ZRANB3: variants seen among roughly 807,000 people sequenced by gnomAD.
The protein encoded by ZRANB3 is zinc finger RANBP2-type containing 3.
Under a neutral mutation model 133.8 loss-of-function variants are expected in ZRANB3, and 125 were observed. The observed-to-expected ratio is 0.93, with a 90% CI of 0.81 to 1.08. ZRANB3 has a LOEUF of 1.08. ZRANB3 is among the 50% of genes least tolerant of loss of function. The pLI is 0.00. For synonymous variants in ZRANB3, 387 were observed against 432.7 expected (o/e 0.89, Z 1.31); for missense variants, 1,229 against 1,275.5 (o/e 0.96, Z 0.56).
chr2:135,283,478 T>C (rs1349265702), intron 8 of ZRANB3, among the ~76,000 whole-genome samples: 3 of 151,524 alleles, frequency 2.0e-5, no homozygotes, highest in African/African-American at 7.3e-5. Flanking sequence ...GGCGTGGTGA[T>C]GCACACCTGT....
intron 8 of ZRANB3, among the ~76,000 whole-genome samples, chr2:135,307,135 T>C (rs192315742): frequency 6.6e-6 from 1 of 152,336 alleles, no homozygotes; most frequent in East Asian, 1.9e-4. Flanking sequence ...GGCATGATCA[T>C]AGCTCATTGC....
intron 7 of ZRANB3, among the ~76,000 whole-genome samples, chr2:135,314,980 C>T (rs1558910457): frequency 6.6e-6 from 1 of 151,946 alleles, no homozygotes; most frequent in Non-Finnish European, 1.5e-5. Context: ...AACTCCTGAC[C>T]TCAGGTGATC....
chr2:135,269,181 C>A, intron 10 of ZRANB3, 40 bp from the exon 11 acceptor site: 1 of 1,499,496 alleles, frequency 6.7e-7, no homozygotes. Flanking sequence ...ATGTAACATA[C>A]AGCCAATATA....
chr2:135,222,940 C>T (rs1694612960), intron 15 of ZRANB3, among the ~76,000 whole-genome samples: 1 of 151,654 alleles, frequency 6.6e-6, no homozygotes, highest in Non-Finnish European at 1.5e-5. Flanking sequence ...GCAAGACCCT[C>T]TCTCTCCAAA....
chr2:135,426,774 G>A (rs1689086943), intron 2 of ZRANB3, among the ~76,000 whole-genome samples: 1 of 134,180 alleles, frequency 7.5e-6, no homozygotes, highest in African/African-American at 2.8e-5. Flanking sequence ...GGAGCTTGCA[G>A]CGAGCCAAGA....
At chr2:135,216,437 C>CTGTTT (rs1053334334) in intron 17 of ZRANB3, among the ~76,000 whole-genome samples, 11 of 152,090 alleles carry the variant, frequency 7.2e-5, no homozygotes, top group South Asian at 4.2e-4. Flanking sequence ...GCTTTGCCAT[C>CTGTTT]TGTTTTGTTT....
chr2:135,322,799 C>T (rs1248988657), intron 6 of ZRANB3, among the ~76,000 whole-genome samples: 1 of 151,972 alleles, frequency 6.6e-6, no homozygotes, highest in East Asian at 1.9e-4. Context: ...GGTGGATCAC[C>T]TGAGGTCAGG....
Position 135,353,584 on chromosome 2 carries a change from G to GTA in ZRANB3, c.224_225insTA (p.Tyr76ThrfsTer9). 6.3e-7 allele frequency: 1 copy of GTA among 1,599,186 alleles called. No individual in the cohort carries two copies. On this transcript the variant is annotated frameshift_variant, in exon 4 of 21. Transcript: ENST00000264159. LOFTEE classifies it high-confidence loss of function. The stretch of plus-strand genomic sequence containing the variant: ...TTAACAGAGGCCATTCCTCTTTATA[G>GTA]AAGTAAGTAATTCCAATTGCCTGGA...
At chr2:135,249,595 A>G (rs1679278145) in intron 12 of ZRANB3, among the ~76,000 whole-genome samples, 1 of 152,132 alleles carries the variant, frequency 6.6e-6, no homozygotes, top group Non-Finnish European at 1.5e-5. Flanking sequence ...GAATTCCCAC[A>G]TGTTGTGGGA....
In ZRANB3 at chr2:135,369,505, A is replaced by T. The variant is rs149160964; in HGVS notation, c.181-15877T>A. ...ATTAGATAAAGGTTAAGAGAAAGAG[A>T]CACACTTTGCCTCACTATAATATAT... On this transcript the variant is annotated intron_variant, in intron 3 of 20. Coordinates refer to ENST00000264159, the MANE Select transcript of ZRANB3 (RefSeq NM_032143.4). Among the ~76,000 whole-genome samples the T allele has an allele frequency of 3.0e-3, 453 of 152,318 alleles. 2 individuals are homozygous for T. Among genetic ancestry groups the T allele is most frequent in the African/African-American group, 0.01 (430 of 41,586 alleles).
chr2:135,343,872 C>G (rs1684805702), intron 6 of ZRANB3, among the ~76,000 whole-genome samples: 1 of 149,980 alleles, frequency 6.7e-6, no homozygotes, highest in African/African-American at 2.5e-5. Context: ...TCACATTTCA[C>G]TATGTTTGAA....
At chr2:135,204,648 A>T (rs946426993) in intron 19 of ZRANB3, among the ~76,000 whole-genome samples, 90 of 136,284 alleles carry the variant, frequency 6.6e-4, no homozygotes, top group Middle Eastern at 3.3e-3. Context: ...TCAAAAAAAA[A>T]AAATATATAT....
At chr2:135,214,112 T>C (rs1369347017) in intron 17 of ZRANB3, among the ~76,000 whole-genome samples, 1 of 152,226 alleles carries the variant, frequency 6.6e-6, no homozygotes, top group Non-Finnish European at 1.5e-5. Context: ...AACACTTTGA[T>C]TTCTGCCTTG....
intron 2 of ZRANB3, among the ~76,000 whole-genome samples, chr2:135,412,741 C>T (rs1688365308): frequency 6.6e-6 from 1 of 151,944 alleles, no homozygotes; most frequent in Non-Finnish European, 1.5e-5. Context: ...TAGTAAGATG[C>T]AGAGACTATT....
chr2:135,301,239 G>A (rs1682417142), intron 8 of ZRANB3, among the ~76,000 whole-genome samples: 1 of 149,842 alleles, frequency 6.7e-6, no homozygotes, highest in Non-Finnish European at 1.5e-5. Context: ...AGGTTGGAGT[G>A]CAGTGGTACC....
intron 10 of ZRANB3, chr2:135,271,514 T>C (rs754213766): frequency 1.9e-6 from 1 of 524,062 alleles, no homozygotes; most frequent in Non-Finnish European, 3.5e-6. Flanking sequence ...AAATTAACTA[T>C]ACTCTTCTTA....
chr2:135,475,113 G>A (rs1329115484), intron 2 of ZRANB3, among the ~76,000 whole-genome samples: 1 of 152,142 alleles, frequency 6.6e-6, no homozygotes, highest in Non-Finnish European at 1.5e-5. Flanking sequence ...ATTTGTTGAT[G>A]CCTAACAATG....
At chr2:135,245,214 G>C (rs902759482) in intron 12 of ZRANB3, among the ~76,000 whole-genome samples, 25 of 152,182 alleles carry the variant, frequency 1.6e-4, no homozygotes, top group African/African-American at 6.0e-4. Context: ...AAGCTGGAAG[G>C]CCTAAAAGGA....
chr2:135,520,439 G>A (rs905223077), intron 1 of ZRANB3, among the ~76,000 whole-genome samples: 3 of 145,202 alleles, frequency 2.1e-5, no homozygotes, highest in Non-Finnish European at 3.0e-5. Flanking sequence ...TTGAGACAAA[G>A]TCTTGCTCTG....
Sources: gnomAD v4.1 joint callset for allele counts (sites outside exome capture counted in the v4.1 genomes callset) on GRCh38, gnomAD v4.1.1 for gene constraint, MANE v1.5 for transcripts, NCBI Gene and HGNC (gene_info 2026-07-23, HGNC 2026-07-21) for gene names.